The following OSBPL5 variants were observed in gnomAD, a reference collection of about 807,000 sequenced individuals.
OSBPL5 encodes oxysterol binding protein like 5.
In OSBPL5, 71 loss-of-function variants were observed where a neutral mutation model predicts 111.2. The observed-to-expected ratio is 0.64, with a 90% CI of 0.53 to 0.78. The LOEUF (loss-of-function observed/expected upper bound fraction) is 0.78. Among genes scored for constraint, OSBPL5 ranks in the 30% least tolerant of loss-of-function variants. OSBPL5 has a pLI of 0.00. For synonymous variants in OSBPL5, 549 were observed against 513.9 expected, an observed-to-expected ratio of 1.07 and a Z score of -0.93; for missense variants, 1,210 against 1,189.3, an observed-to-expected ratio of 1.02 and a Z score of -0.26.
At chr11:3,145,245 C>T (rs915791067) in intron 1 of OSBPL5, among the ~76,000 whole-genome samples, 1 of 152,168 alleles carries the variant, frequency 6.6e-6, no homozygotes, top group Admixed American at 6.5e-5. Context: ...CCCGTCAGCC[C>T]CTTGATGAAC....
chr11:3,117,957 GT>G (rs1205915742), intron 7 of OSBPL5, among the ~76,000 whole-genome samples: 13 of 152,174 alleles, frequency 8.5e-5, no homozygotes, highest in Non-Finnish European at 1.9e-4. Flanking sequence ...TCTTTTGTTT[GT>G]TGTTGTTTTT....
At chr11:3,143,005 CAGAGGGGGGCAGAGGAGGCAGGTGCG>C (rs1564857166) in intron 1 of OSBPL5, among the ~76,000 whole-genome samples, 7 of 77,162 alleles carry the variant, frequency 9.1e-5, no homozygotes, top group Non-Finnish European at 1.1e-4. Flanking sequence ...GAGGCAGGTG[CAGAGGGGGGCAGAGGAGGCAGGTGCG>C]GGGGGGGGCA....
rs1030111915 is a variant in OSBPL5 at position 3,142,648 on chromosome 11, G to A, written c.-21-13479C>T. Among the ~76,000 whole-genome samples the A allele has an allele frequency of 3.3e-5, 5 of 152,160 alleles. No individual in the cohort carries two copies. Among genetic ancestry groups the A allele is most frequent in the African/African-American group, 7.2e-5 (3 of 41,438 alleles). ...GGGTGGTGCGTTTATCAACAGGACCGCTGGTTTCATGTCTCTGTCTCTCCT... is the reference window on the plus strand; with the variant it reads ...GGGTGGTGCGTTTATCAACAGGACCACTGGTTTCATGTCTCTGTCTCTCCT... On this transcript the variant is annotated intron_variant, in intron 1 of 21. Coordinates refer to ENST00000263650, the MANE Select transcript of OSBPL5 (RefSeq NM_020896.4). This position sits in a 1 kb window ranked among gnomAD's most constrained non-coding sequence, Gnocchi z 7.1.
intron 1 of OSBPL5, among the ~76,000 whole-genome samples, chr11:3,143,109 G>A (rs1221773002): frequency 2.5e-5 from 2 of 79,792 alleles, no homozygotes; most frequent in Non-Finnish European, 5.1e-5. Context: ...CAGGTGCAGA[G>A]CCGGGCAGAG....
At position 3,087,276 on chromosome 11, in the gene OSBPL5, G is replaced by A. The variant is rs8813; in HGVS notation, c.*929C>T. 25,325 of 153,308 alleles carry A rather than the reference G, an allele frequency of 0.17. 2,658 individuals carry two copies. The highest frequency in any genetic ancestry group is 0.24 in the Non-Finnish European group (16,218 of 68,244). The allele number at this position is 153,308 out of a possible 1,614,324, so 9.5% of individuals were successfully genotyped here. A position where few individuals can be genotyped will look rare whatever the true frequency, so the allele number is the denominator to read the frequency against. Reference sequence around the variant, plus strand: ...CACGATGTGGTTTAAGGCTCTGTACGTATATATATGTGTAGAGGCTCACAC... The same window carrying A: ...CACGATGTGGTTTAAGGCTCTGTACATATATATATGTGTAGAGGCTCACAC... On this transcript the variant is annotated 3_prime_UTR_variant, in exon 22 of 22. Coordinates refer to ENST00000263650, the MANE Select transcript of OSBPL5 (RefSeq NM_020896.4).
At chr11:3,151,233 G>A (rs183837410) in intron 1 of OSBPL5, among the ~76,000 whole-genome samples, 52 of 152,282 alleles carry the variant, frequency 3.4e-4, no homozygotes, top group African/African-American at 1.1e-3. Context: ...CAGCCCTGCC[G>A]GCACTGGGAT....
At chr11:3,125,318 A>G (rs1407581974) in intron 3 of OSBPL5, among the ~76,000 whole-genome samples, 3 of 152,240 alleles carry the variant, frequency 2.0e-5, no homozygotes, top group Admixed American at 6.5e-5. Flanking sequence ...TCCAAAATGC[A>G]TAAAGAACTC....
At chr11:3,152,685 G>A (rs900259915) in intron 1 of OSBPL5, among the ~76,000 whole-genome samples, 1 of 152,232 alleles carries the variant, frequency 6.6e-6, no homozygotes, top group African/African-American at 2.4e-5. Flanking sequence ...AGCGTGAACA[G>A]AGCCGGTGCC....
chr11:3,148,019 C>G (rs769491103), intron 1 of OSBPL5, among the ~76,000 whole-genome samples: 1 of 152,216 alleles, frequency 6.6e-6, no homozygotes, highest in South Asian at 2.1e-4. Flanking sequence ...CGCACGCCCC[C>G]GGCACCCAGA....
chr11:3,163,011 G>GGCTCCCTCCCCGACA (rs529853611), intron 1 of OSBPL5, among the ~76,000 whole-genome samples: 1 of 152,024 alleles, frequency 6.6e-6, no homozygotes, highest in African/African-American at 2.4e-5. Context: ...TGCACCTAAC[G>GGCTCCCTCCCCGACA]GCTCCCTCCC....
At chr11:3,153,195 C>A (rs937907901) in intron 1 of OSBPL5, among the ~76,000 whole-genome samples, 35 of 152,124 alleles carry the variant, frequency 2.3e-4, no homozygotes, top group African/African-American at 8.2e-4. Flanking sequence ...GTGTCCCCAC[C>A]TGTAAAATGG....
intron 14 of OSBPL5, among the ~76,000 whole-genome samples, chr11:3,096,946 G>GCA (rs1857275911): frequency 7.6e-6 from 1 of 130,948 alleles, no homozygotes; most frequent in African/African-American, 2.9e-5. Context: ...GAAAGAGGGA[G>GCA]GAGATGGGAG....
At chr11:3,103,696 C>G (rs1857538542) in intron 10 of OSBPL5, among the ~76,000 whole-genome samples, 1 of 145,042 alleles carries the variant, frequency 6.9e-6, no homozygotes, top group Admixed American at 6.8e-5. Flanking sequence ...AGCCCCCTTC[C>G]AGCCTGCGTA....
At chr11:3,103,146 G>C in intron 11 of OSBPL5, 93 bp downstream of exon 11, 1 of 1,110,020 alleles carries the variant, frequency 9.0e-7, no homozygotes, top group Non-Finnish European at 1.3e-6. Flanking sequence ...GGTAGGGGGT[G>C]GCCCGGGGAC....
intron 1 of OSBPL5, among the ~76,000 whole-genome samples, chr11:3,139,740 C>A (rs1846050759): frequency 6.6e-6 from 1 of 152,214 alleles, no homozygotes; most frequent in Admixed American, 6.5e-5. Context: ...CCTCTCTGGG[C>A]TCCTGGACCC....
chr11:3,125,637 T>C (rs1230159499), intron 3 of OSBPL5, among the ~76,000 whole-genome samples: 1 of 152,148 alleles, frequency 6.6e-6, no homozygotes, highest in Non-Finnish European at 1.5e-5. Context: ...AACCCGTCTC[T>C]ACTAAAAATA....
intron 1 of OSBPL5, among the ~76,000 whole-genome samples, chr11:3,158,808 G>A (rs957750306): frequency 2.6e-5 from 4 of 152,220 alleles, no homozygotes; most frequent in African/African-American, 7.2e-5. Context: ...ACAGCTCAAG[G>A]AGCAGGAGCA....
rs2134424940 is a variant in OSBPL5 at position 3,107,561 on chromosome 11, C to T, written c.867-106G>A. ...CTCCGCACTTCACATACGTTCCTGC[C>T]TGTCGTCACCTCCACAACCCACATT... is the stretch of plus-strand genomic sequence containing the variant. On this transcript the variant is annotated intron_variant, in intron 8 of 21. Coordinates refer to ENST00000263650, the MANE Select transcript of OSBPL5 (RefSeq NM_020896.4). The surrounding 1 kb of genome is among the most constrained non-coding windows in gnomAD (Gnocchi z 6.1). 2.8e-6 allele frequency: 4 copies of T among 1,405,972 alleles called. No homozygotes were observed. Among genetic ancestry groups the T allele is most frequent in the Admixed American group, 1.9e-5 (1 of 53,030 alleles). The allele number at this position is 1,405,972 out of a possible 1,614,324, so 87.1% of individuals were successfully genotyped here. A position where few individuals can be genotyped will look rare whatever the true frequency, so the allele number is the denominator to read the frequency against.
At chr11:3,119,293 G>A (rs1039779894) in intron 7 of OSBPL5, among the ~76,000 whole-genome samples, 1 of 152,078 alleles carries the variant, frequency 6.6e-6, no homozygotes, top group Admixed American at 6.5e-5. Flanking sequence ...TTACAGGTGT[G>A]AGCCACCACG....
Sources: gnomAD v4.1 joint callset for allele counts (sites outside exome capture counted in the v4.1 genomes callset) on GRCh38, gnomAD v4.1.1 for gene constraint, Gnocchi (gnomAD v3.1) non-coding constraint, MANE v1.5 for transcripts, NCBI Gene and HGNC (gene_info 2026-07-23, HGNC 2026-07-21) for gene names.